Variants in CFAP44 observed in about 807,000 individuals in gnomAD.
The protein encoded by CFAP44 is cilia- and flagella-associated protein 44.
CFAP44 carries 134 observed loss-of-function variants against 216.2 expected under a neutral mutation model. The ratio of observed to expected loss-of-function variants is 0.62; its 90% confidence interval spans 0.54 to 0.72. CFAP44 has a LOEUF of 0.72. Among genes scored for constraint, CFAP44 ranks in the 30% least tolerant of loss-of-function variants. The pLI is 0.00. For missense variants in CFAP44, 2,035 were observed against 2,182.1 expected, an observed-to-expected ratio of 0.93 and a Z score of 1.34; for synonymous variants, 700 against 727.6, an observed-to-expected ratio of 0.96 and a Z score of 0.61.
intron 17 of CFAP44, among the ~76,000 whole-genome samples, chr3:113,375,101 A>C (rs1220709301): frequency 6.6e-6 from 1 of 152,176 alleles, no homozygotes; most frequent in East Asian, 1.9e-4. Flanking sequence ...CAGATACTAT[A>C]TAATTTCACT....
intron 34 of CFAP44, among the ~76,000 whole-genome samples, 184 bp from the exon 35 acceptor site, chr3:113,291,932 G>A (rs181944961): frequency 3.3e-4 from 50 of 152,270 alleles, no homozygotes; most frequent in African/African-American, 1.2e-3. Flanking sequence ...GTGCCTTTGG[G>A]CTAATAAACA....
chr3:113,296,203 C>T (rs532866886), intron 33 of CFAP44, among the ~76,000 whole-genome samples: 6 of 152,124 alleles, frequency 3.9e-5, no homozygotes, highest in South Asian at 2.1e-4. Flanking sequence ...CAGCTCCATT[C>T]GTGTTGCTGC....
chr3:113,360,029 T>G (rs1348176964), intron 21 of CFAP44, among the ~76,000 whole-genome samples: 1 of 150,814 alleles, frequency 6.6e-6, no homozygotes, highest in Non-Finnish European at 1.5e-5. Context: ...CTAAGTACAA[T>G]AAGAGTTGAT....
At chr3:113,296,161 T>C (rs1466761404) in intron 33 of CFAP44, among the ~76,000 whole-genome samples, 1 of 152,212 alleles carries the variant, frequency 6.6e-6, no homozygotes, top group African/African-American at 2.4e-5. Flanking sequence ...GTATTTGATT[T>C]TCTGAGTTAT....
Position 113,426,330 on chromosome 3 carries a change from C to T in CFAP44, c.254-53G>A, listed in dbSNP as rs949385042. 62 of 1,574,174 alleles carry T rather than the reference C, an allele frequency of 3.9e-5. No individual in the cohort carries two copies. The African/African-American group carries it at 7.5e-4, about 19-fold the overall frequency. ...GTGATATGGTTTGGCTGTGTCCCCA[C>T]CCAAATCTCAACTTGAATTGTAGTT... On this transcript the variant is annotated intron_variant, in intron 3 of 34. Transcript: ENST00000393845.
chr3:113,387,342 A>G (rs1933676489), intron 15 of CFAP44, among the ~76,000 whole-genome samples: 1 of 152,178 alleles, frequency 6.6e-6, no homozygotes, highest in African/African-American at 2.4e-5. Flanking sequence ...TGCAACTTGG[A>G]TACCAGCTAA....
chr3:113,427,086 T>A, intron 3 of CFAP44, 101 bp downstream of exon 3: 1 of 1,251,994 alleles, frequency 8.0e-7, no homozygotes. Flanking sequence ...CATATGTACA[T>A]CCTGCACATT....
intron 15 of CFAP44, among the ~76,000 whole-genome samples, chr3:113,384,301 C>T (rs2107341354): frequency 6.6e-6 from 1 of 152,218 alleles, no homozygotes; most frequent in East Asian, 1.9e-4. Flanking sequence ...CCTTGTGATC[C>T]ACCCACCTTG....
rs546118974 is a variant in CFAP44, at chr3:113,352,430, A to G, written c.3065+6315T>C. Among the ~76,000 whole-genome samples the G allele has an allele frequency of 2.6e-5, 4 of 152,324 alleles. No individual in the cohort carries two copies. The South Asian group carries it at 8.3e-4, about 32-fold the overall frequency. On this transcript the variant is annotated intron_variant, in intron 22 of 34. Coordinates refer to ENST00000393845, the MANE Select transcript of CFAP44 (RefSeq NM_001164496.2). ...AAGAGCTGTAAACACTTGCTGCAAAAGTCTGCGGCTTCATTCTTGAAGTCA... is the reference window on the plus strand; with the variant it reads ...AAGAGCTGTAAACACTTGCTGCAAAGGTCTGCGGCTTCATTCTTGAAGTCA...
At chr3:113,362,480 G>A (rs1950550746) in intron 21 of CFAP44, among the ~76,000 whole-genome samples, 1 of 152,152 alleles carries the variant, frequency 6.6e-6, no homozygotes, top group Non-Finnish European at 1.5e-5. Flanking sequence ...GTCTGTCTTA[G>A]AGTTACCCAA....
In CFAP44 at chr3:113,433,671, T is replaced by TGTAA; in HGVS notation, c.-5-6_-5-3dup. The TGTAA allele has an allele frequency of 6.2e-7, 1 of 1,607,396 alleles. No homozygotes were observed. The highest frequency in any genetic ancestry group is 1.1e-5 in the South Asian group (1 of 90,968). Reference sequence around the variant, plus strand: ...GATCATCTGGTTCCTTCATTTCCTCTGTAAGTACAAAATGGGGATGAGATA... The same window carrying TGTAA: ...GATCATCTGGTTCCTTCATTTCCTCTGTAAGTAAGTACAAAATGGGGATGAGATA... On this transcript the variant is annotated splice_region_variant and splice_polypyrimidine_tract_variant and intron_variant, in intron 1 of 34. Coordinates refer to ENST00000393845, the MANE Select transcript of CFAP44 (RefSeq NM_001164496.2).
At chr3:113,406,349 A>G (rs544344987) in intron 8 of CFAP44, among the ~76,000 whole-genome samples, 1 of 152,340 alleles carries the variant, frequency 6.6e-6, no homozygotes, top group East Asian at 1.9e-4. Flanking sequence ...TAAATACTGC[A>G]ACTCTGTGAC....
intron 6 of CFAP44, among the ~76,000 whole-genome samples, chr3:113,415,391 T>G (rs1038546681): frequency 1.3e-5 from 2 of 152,182 alleles, no homozygotes; most frequent in Non-Finnish European, 2.9e-5. Flanking sequence ...TAGTTATTTC[T>G]TATCTTCTGC....
At chr3:113,309,507 A>G (rs1442528933) in intron 28 of CFAP44, among the ~76,000 whole-genome samples, 1 of 152,168 alleles carries the variant, frequency 6.6e-6, no homozygotes, top group Non-Finnish European at 1.5e-5. Flanking sequence ...TGATTTATTT[A>G]TAATATCATA....
intron 24 of CFAP44, among the ~76,000 whole-genome samples, chr3:113,334,721 A>G (rs923265045): frequency 6.6e-6 from 1 of 152,216 alleles, no homozygotes; most frequent in Admixed American, 6.5e-5. Context: ...CTACACACAT[A>G]CGAAACAGTG....
At chr3:113,312,145 C>T (rs1430998655) in intron 28 of CFAP44, among the ~76,000 whole-genome samples, 2 of 149,740 alleles carry the variant, frequency 1.3e-5, no homozygotes, top group Non-Finnish European at 3.0e-5. Flanking sequence ...CATTGCCACT[C>T]ACTGCAAGCT....
Position 113,303,909 on chromosome 3 carries a change from T to TA in CFAP44, c.5077+6dup, listed in dbSNP as rs753028128. ...TTACTAGCAAGGCTGTGGGCTTAGATACTCACTGTGTATGGTTTTTGTCAT... is the reference window on the plus strand; with the variant it reads ...TTACTAGCAAGGCTGTGGGCTTAGATAACTCACTGTGTATGGTTTTTGTCAT... On this transcript the variant is annotated splice_region_variant and intron_variant, in intron 32 of 34. Transcript: ENST00000393845. The TA allele has an allele frequency of 3.4e-5, 53 of 1,537,504 alleles. 2 individuals are homozygous for TA. The South Asian group carries it at 6.2e-4, about 18-fold the overall frequency.
chr3:113,300,795 G>A (rs1949927054), intron 32 of CFAP44, among the ~76,000 whole-genome samples: 1 of 152,032 alleles, frequency 6.6e-6, no homozygotes, highest in Non-Finnish European at 1.5e-5. Flanking sequence ...AAGACCATGA[G>A]TTACCACTTT....
chr3:113,363,090 C>A, intron 21 of CFAP44, 55 bp downstream of exon 21: 1 of 1,472,390 alleles, frequency 6.8e-7, no homozygotes, highest in Non-Finnish European at 9.0e-7. Context: ...AAATAGTCAT[C>A]TCTATCCAGA....
Sources: gnomAD v4.1 joint callset for allele counts (sites outside exome capture counted in the v4.1 genomes callset) on GRCh38, gnomAD v4.1.1 for gene constraint, MANE v1.5 for transcripts, NCBI Gene and HGNC (gene_info 2026-07-23, HGNC 2026-07-21) for gene names.